DNAH3: variants seen among roughly 807,000 people sequenced by gnomAD.
DNAH3 encodes dynein axonemal heavy chain 3.
Under a neutral mutation model 432.5 loss-of-function variants are expected in DNAH3, and 332 were observed. That is an observed-to-expected ratio of 0.77 (90% CI 0.70 to 0.84). The LOEUF is 0.84. DNAH3 is among the 40% of genes least tolerant of loss of function. The probability of loss-of-function intolerance (pLI) is 0.00; values close to 1 mark genes in which losing one functional copy is unlikely to be tolerated. For missense variants in DNAH3, 4,861 were observed against 5,114.0 expected (o/e 0.95, Z 1.51); for synonymous variants, 1,956 against 1,900.2 (o/e 1.03, Z -0.76).
At position 20,933,124 on chromosome 16, in the gene DNAH3, T is replaced by A. The variant is rs754666978; in HGVS notation, c.*30A>T. 1.9e-6 allele frequency: 3 copies of A among 1,583,736 alleles called. No homozygotes were observed. The South Asian group carries it at 3.4e-5, about 18-fold the overall frequency. On this transcript the variant is annotated 3_prime_UTR_variant, in exon 62 of 62. Transcript: ENST00000261383. ...TCTCAAAACAAAAAGAATGAAATGC[T>A]TTTTATTTTCTGTCTTGAGACAAAT...
At chr16:21,006,118 G>A (rs2152696264) in intron 41 of DNAH3, among the ~76,000 whole-genome samples, 1 of 152,118 alleles carries the variant, frequency 6.6e-6, no homozygotes, top group Middle Eastern at 3.4e-3. Context: ...TATTGTCTCT[G>A]ATTACTTCAA....
chr16:21,120,806 G>A lies in DNAH3; in HGVS notation c.1633C>T (p.Arg545Trp), dbSNP rs16970910. Residue 545 changes from arginine (R) to tryptophan (W), a missense_variant, in exon 11 of 62, where the codon CGG (arginine) becomes TGG (tryptophan). Coordinates refer to ENST00000261383, the Ensembl canonical transcript of DNAH3. ...GGCTCAGCTGCTTTCACACATTGCC[G>A]ATCAGCAGCAGCAGCAGTGAAGGAG... is the stretch of plus-strand genomic sequence containing the variant. The A allele has an allele frequency of 4.4e-3, 7,164 of 1,614,090 alleles. 256 individuals are homozygous for A. In the African/African-American group the frequency reaches 0.08, roughly 18 times the overall value.
At chr16:20,989,080 C>T (rs575740280) in intron 44 of DNAH3, among the ~76,000 whole-genome samples, 2 of 152,328 alleles carry the variant, frequency 1.3e-5, no homozygotes, top group Non-Finnish European at 2.9e-5. Flanking sequence ...AAGAACAAAG[C>T]TTCCACAGTG....
chr16:21,070,744 G>A, exon 22 of DNAH3: 6 of 1,612,902 alleles, frequency 3.7e-6, no homozygotes, highest in Non-Finnish European at 5.1e-6. Context: ...GATGAATGGG[G>A]AGCCACACAT....
intron 20 of DNAH3, among the ~76,000 whole-genome samples, chr16:21,080,421 C>T (rs576575550): frequency 6.6e-6 from 1 of 152,324 alleles, no homozygotes; most frequent in South Asian, 2.1e-4. Context: ...ATTATCATTT[C>T]AATACTAATC....
intron 58 of DNAH3, among the ~76,000 whole-genome samples, chr16:20,943,318 T>C (rs1417151231): frequency 6.6e-6 from 1 of 151,858 alleles, no homozygotes; most frequent in Non-Finnish European, 1.5e-5. Flanking sequence ...GCTCAAGCAA[T>C]CCACCCACCT....
chr16:21,064,716 A>G (rs1302738960), intron 24 of DNAH3, among the ~76,000 whole-genome samples: 2 of 152,236 alleles, frequency 1.3e-5, no homozygotes, highest in African/African-American at 2.4e-5. Context: ...ATACATTCGT[A>G]TAATTTAAAA....
intron 12 of DNAH3, 55 bp from the exon 13 acceptor site, chr16:21,112,153 G>C: frequency 8.1e-7 from 1 of 1,230,852 alleles, no homozygotes; most frequent in East Asian, 2.4e-5. Context: ...AACCAAATCA[G>C]ATGAGTCAGA....
intron 18 of DNAH3, among the ~76,000 whole-genome samples, chr16:21,094,400 G>A (rs1420187285): frequency 6.6e-6 from 1 of 152,164 alleles, no homozygotes; most frequent in Non-Finnish European, 1.5e-5. Context: ...GCCAAGCACA[G>A]TGGCTCACAC....
chr16:20,982,545 T>C (rs2085959604), intron 49 of DNAH3, among the ~76,000 whole-genome samples, 176 bp downstream of exon 49: 1 of 152,216 alleles, frequency 6.6e-6, no homozygotes, highest in Non-Finnish European at 1.5e-5. Flanking sequence ...TGAAATTTTC[T>C]TCTTTTACAG....
Position 21,108,267 on chromosome 16 carries a change from T to C in DNAH3, c.2100-1593A>G, listed in dbSNP as rs369091333. On this transcript the variant is annotated intron_variant, in intron 14 of 61. Transcript: ENST00000261383. ...CCTGGGGTGTCTGCATTCTTAGATA[T>C]TCCTGGGTTCAGAATGAGGCTCTTA... 3.8e-4 allele frequency among the ~76,000 whole-genome samples: 58 copies of C among 152,350 alleles called. 1 individual carries two copies. In the East Asian group the frequency reaches 5.4e-3, roughly 14 times the overall value.
At chr16:21,026,916 T>C in intron 38 of DNAH3, 111 bp downstream of exon 38, 1 of 704,086 alleles carries the variant, frequency 1.4e-6, no homozygotes, top group South Asian at 1.7e-5. Context: ...AATAATAATG[T>C]AGATGATCTG....
At chr16:21,086,965 G>A (rs919799371) in exon 19 of DNAH3, 1 of 1,614,158 alleles carries the variant, frequency 6.2e-7, no homozygotes, top group Admixed American at 1.7e-5. Flanking sequence ...CTGGGTGCAG[G>A]CACATCAGAC....
chr16:21,067,137 C>T, intron 24 of DNAH3, 146 bp downstream of exon 24: 1 of 846,128 alleles, frequency 1.2e-6, no homozygotes, highest in Non-Finnish European at 1.9e-6. Context: ...AGCCATGCCC[C>T]ATTCCTGAAA....
At chr16:21,017,713 T>C (rs1040448094) in intron 41 of DNAH3, among the ~76,000 whole-genome samples, 1 of 152,188 alleles carries the variant, frequency 6.6e-6, no homozygotes, top group African/African-American at 2.4e-5. Context: ...GAGACCTGTC[T>C]CAGATTTTTG....
chr16:20,958,477 T>C (rs1242938544), intron 54 of DNAH3, among the ~76,000 whole-genome samples: 5 of 152,334 alleles, frequency 3.3e-5, no homozygotes, highest in African/African-American at 4.8e-5. Flanking sequence ...CAACTTTTCA[T>C]GGCATATACC....
intron 22 of DNAH3, among the ~76,000 whole-genome samples, chr16:21,069,969 C>G (rs1053396995): frequency 4.6e-5 from 7 of 152,216 alleles, no homozygotes; most frequent in Admixed American, 2.6e-4. Context: ...AACTGAAACA[C>G]AACAGTTTAG....
At chr16:21,038,070 A>G in intron 33 of DNAH3, 90 bp from the exon 34 acceptor site, 1 of 1,128,926 alleles carries the variant, frequency 8.9e-7, no homozygotes, top group East Asian at 2.5e-5. Context: ...TTGCCCCGTC[A>G]GCAACCAGGC....
At chr16:20,996,315 A>G (rs1410065134) in intron 44 of DNAH3, among the ~76,000 whole-genome samples, 1 of 151,488 alleles carries the variant, frequency 6.6e-6, no homozygotes, top group African/African-American at 2.4e-5. Flanking sequence ...ATTAAATTAT[A>G]TGTTGTTGAT....
Sources: allele counts gnomAD v4.1 joint callset (sites outside exome capture counted in the v4.1 genomes callset), GRCh38; gene constraint gnomAD v4.1.1; transcripts MANE v1.5; gene names NCBI Gene and HGNC (gene_info 2026-07-23, HGNC 2026-07-21).